Variants in NRXN2 observed in about 807,000 individuals in gnomAD.
The protein encoded by NRXN2 is neurexin 2, also known as neurexin-2-beta.
A neutral mutation model predicts 128.8 loss-of-function variants in NRXN2; 29 were observed. The observed-to-expected ratio is 0.23, with a 90% CI of 0.17 to 0.31. NRXN2 has a LOEUF of 0.31. Among genes scored for constraint, NRXN2 ranks in the 10% least tolerant of loss-of-function variants. NRXN2 has a pLI of 1.00. For synonymous variants in NRXN2, 1,098 were observed against 1,075.2 expected (o/e 1.02, Z -0.41); for missense variants, 1,881 against 2,452.6 (o/e 0.77, Z 4.92).
At chr11:64,692,618 TG>T (rs1405679158) in intron 4 of NRXN2, among the ~76,000 whole-genome samples, 2 of 151,904 alleles carry the variant, frequency 1.3e-5, no homozygotes, top group Non-Finnish European at 2.9e-5. Flanking sequence ...TGCTTCAGGG[TG>T]GGTGAGGGAG....
At chr11:64,665,141 C>T (rs370205731) in intron 9 of NRXN2, among the ~76,000 whole-genome samples, 118 of 141,720 alleles carry the variant, frequency 8.3e-4, no homozygotes, top group African/African-American at 2.7e-3. Flanking sequence ...CTTAGCTGGG[C>T]GTGGTGGCAC....
chr11:64,608,450 CAAT>C (rs1401174801), intron 22 of NRXN2, among the ~76,000 whole-genome samples: 1 of 148,906 alleles, frequency 6.7e-6, no homozygotes, highest in Non-Finnish European at 1.5e-5. Flanking sequence ...AACCTAACAA[CAAT>C]ATCTTTTAGG....
intron 17 of NRXN2, chr11:64,643,147 G>A (rs866799042): frequency 1.0e-6 from 1 of 981,286 alleles, no homozygotes. Flanking sequence ...AGTGGAGAGG[G>A]AGGGGAGCGC....
chr11:64,653,743 G>A, intron 11 of NRXN2, 21 bp from the exon 12 acceptor site: 1 of 1,571,804 alleles, frequency 6.4e-7, no homozygotes, highest in African/African-American at 1.3e-5. Flanking sequence ...CATGGGGCGG[G>A]CAGAGGGGAA....
chr11:64,674,488 G>A (rs1362296697), intron 7 of NRXN2, among the ~76,000 whole-genome samples: 1 of 152,120 alleles, frequency 6.6e-6, no homozygotes, highest in East Asian at 1.9e-4. Flanking sequence ...CCAGCAGGTT[G>A]TTTGCTTCTT....
intron 22 of NRXN2, among the ~76,000 whole-genome samples, chr11:64,612,298 A>G (rs937128099): frequency 1.3e-5 from 2 of 151,908 alleles, no homozygotes; most frequent in East Asian, 1.9e-4. Context: ...ACAATGACTC[A>G]TGGTCCAGCT....
At position 64,615,919 on chromosome 11, in the gene NRXN2, CAT is replaced by C. The variant is rs539337743; in HGVS notation, c.4252+4373_4252+4374del. On this transcript the variant is annotated intron_variant, in intron 22 of 22. Coordinates refer to ENST00000265459, the MANE Select transcript of NRXN2 (RefSeq NM_015080.4). ...AAGCACATGAACTTGCATGTCTATG[CAT>C]ATGTGTGTACATATGTATTCTTCTG... Among the ~76,000 whole-genome samples, 16 of 151,410 alleles carry C rather than the reference CAT, an allele frequency of 1.1e-4. No homozygotes were observed. In the South Asian group the frequency reaches 3.3e-3, roughly 32 times the overall value.
chr11:64,683,492 C>T (rs2135558565), intron 6 of NRXN2, among the ~76,000 whole-genome samples: 1 of 152,086 alleles, frequency 6.6e-6, no homozygotes, highest in Admixed American at 6.5e-5. Context: ...TGGTAGCGGG[C>T]ACCTGTAATC....
At chr11:64,613,321 T>G (rs775044487) in intron 22 of NRXN2, among the ~76,000 whole-genome samples, 2 of 152,242 alleles carry the variant, frequency 1.3e-5, no homozygotes, top group Middle Eastern at 6.3e-3. Context: ...CGTGTGCACA[T>G]GTCCATATGT....
rs1221672100 is a variant in NRXN2, at chr11:64,630,334, C to T, written c.3757+68G>A. ...GCCGCTTAGCCCCGCCCCGGTGCGG[C>T]CGCACTCCTATCAGAGGCCGCCACC... is the stretch of plus-strand genomic sequence containing the variant. On this transcript the variant is annotated intron_variant, in intron 19 of 22. Coordinates refer to ENST00000265459, the MANE Select transcript of NRXN2 (RefSeq NM_015080.4). This position sits in a 1 kb window ranked among gnomAD's most constrained non-coding sequence, Gnocchi z 4.6. 2.7e-6 allele frequency: 4 copies of T among 1,458,526 alleles called. No homozygotes were observed. The African/African-American group carries it at 5.6e-5, about 20-fold the overall frequency. 90.3% of individuals were successfully genotyped at this position (1,458,526 alleles called of 1,614,324 possible).
At chr11:64,663,375 CAAA>C (rs1191987645) in intron 9 of NRXN2, among the ~76,000 whole-genome samples, 5 of 105,408 alleles carry the variant, frequency 4.7e-5, no homozygotes, top group Non-Finnish European at 2.0e-5. Context: ...AACTCTGACT[CAAA>C]AAAAAAAAAA....
In NRXN2 at chr11:64,713,841, G is replaced by T; in HGVS notation, c.-142C>A. ...GGCTCACAGTGCCATGGGCCCGGCC[G>T]CGGGGCGAGGCGCGCAGAGGCCCAG... On this transcript the variant is annotated 5_prime_UTR_variant, in exon 2 of 23. Transcript: ENST00000265459. 5.5e-6 allele frequency: 2 copies of T among 363,288 alleles called. No homozygotes were observed. Among genetic ancestry groups the T allele is most frequent in the Non-Finnish European group, 7.8e-6 (2 of 257,848 alleles). 22.5% of individuals were successfully genotyped at this position (363,288 alleles called of 1,614,324 possible). A position where few individuals can be genotyped will look rare whatever the true frequency, so the allele number is the denominator to read the frequency against.
chr11:64,655,097 G>A (rs916455430), intron 11 of NRXN2, among the ~76,000 whole-genome samples: 3 of 152,228 alleles, frequency 2.0e-5, no homozygotes, highest in Admixed American at 6.5e-5. Flanking sequence ...GGAAGCAAAG[G>A]GGGTGGGCAG....
chr11:64,687,649 A>C (rs1405475629), intron 5 of NRXN2, among the ~76,000 whole-genome samples: 6 of 152,134 alleles, frequency 3.9e-5, no homozygotes, highest in Non-Finnish European at 8.8e-5. Context: ...AAGAGTGGCA[A>C]GGAGGAGGGA....
At chr11:64,658,232 GAT>G (rs1349936262) in intron 11 of NRXN2, among the ~76,000 whole-genome samples, 56 of 152,310 alleles carry the variant, frequency 3.7e-4, no homozygotes, top group African/African-American at 1.2e-3. Flanking sequence ...CATGTGTTTA[GAT>G]GCAGACAACA....
intron 5 of NRXN2, 129 bp from the exon 6 acceptor site, chr11:64,686,076 CT>C: frequency 1.1e-6 from 1 of 920,618 alleles, no homozygotes; most frequent in Non-Finnish European, 1.7e-6. Flanking sequence ...CAACCTGTAG[CT>C]TTAGGCCCCT....
chr11:64,702,790 T>A (rs554246382), intron 2 of NRXN2, among the ~76,000 whole-genome samples: 2 of 109,800 alleles, frequency 1.8e-5, no homozygotes, highest in Non-Finnish European at 1.9e-5. Flanking sequence ...CACCCAAGAA[T>A]GATCAATAAA....
rs61884372 is a variant in NRXN2 at position 64,613,286 on chromosome 11, G to A, written c.4253-5204C>T. 8.9e-3 allele frequency among the ~76,000 whole-genome samples: 1,354 copies of A among 152,320 alleles called. 11 individuals are homozygous for A. The highest frequency in any genetic ancestry group is 0.011 in the African/African-American group (445 of 41,568). ...CCTCTGGCTCTGGCATGTGCCTGCC[G>A]GCCACTGAGCCTGGGTCTGAGTTCC... On this transcript the variant is annotated intron_variant, in intron 22 of 22. Coordinates refer to ENST00000265459, the MANE Select transcript of NRXN2 (RefSeq NM_015080.4).
At chr11:64,695,155 A>G (rs930331917) in intron 3 of NRXN2, among the ~76,000 whole-genome samples, 9 of 151,698 alleles carry the variant, frequency 5.9e-5, no homozygotes, top group Non-Finnish European at 1.0e-4. Context: ...CACTAATCTG[A>G]AATCTCTGCT....
Sources: allele counts gnomAD v4.1 joint callset (sites outside exome capture counted in the v4.1 genomes callset), GRCh38; gene constraint gnomAD v4.1.1; non-coding constraint Gnocchi (gnomAD v3.1); transcripts MANE v1.5; gene names NCBI Gene and HGNC (gene_info 2026-07-23, HGNC 2026-07-21).